Variants in NKAIN2 observed in about 807,000 individuals in gnomAD.
NKAIN2 encodes sodium/potassium transporting ATPase interacting 2, also known as sodium/potassium-transporting ATPase subunit beta-1-interacting protein 2.
A neutral mutation model predicts 32.6 loss-of-function variants in NKAIN2; 14 were observed. That is an observed-to-expected ratio of 0.43 (90% CI 0.28 to 0.67). NKAIN2 has a LOEUF of 0.67. Among genes scored for constraint, NKAIN2 ranks in the 30% least tolerant of loss-of-function variants. The pLI, the probability that NKAIN2 is intolerant of heterozygous loss-of-function variation, is 0.17. For synonymous variants in NKAIN2, 80 were observed against 87.2 expected (o/e 0.92, Z 0.46); for missense variants, 198 against 258.3 (o/e 0.77, Z 1.60).
intron 1 of NKAIN2, among the ~76,000 whole-genome samples, chr6:124,127,458 A>G (rs906793426): frequency 6.6e-6 from 1 of 152,210 alleles, no homozygotes; most frequent in African/African-American, 2.4e-5. Flanking sequence ...GGAAATATTT[A>G]CTAGTTAATT....
intron 3 of NKAIN2, among the ~76,000 whole-genome samples, chr6:124,578,674 G>A (rs777722241): frequency 6.6e-5 from 10 of 152,070 alleles, no homozygotes; most frequent in Non-Finnish European, 1.0e-4. Context: ...AAAACGGCAT[G>A]GCTAGTTTTG....
At chr6:123,838,613 T>C (rs1179273846) in intron 1 of NKAIN2, among the ~76,000 whole-genome samples, 1 of 152,164 alleles carries the variant, frequency 6.6e-6, no homozygotes, top group Non-Finnish European at 1.5e-5. Context: ...TTGTTTCACA[T>C]AAGGAATCAA....
At chr6:124,539,872 C>CG (rs1317134732) in intron 3 of NKAIN2, among the ~76,000 whole-genome samples, 2 of 152,068 alleles carry the variant, frequency 1.3e-5, no homozygotes, top group African/African-American at 4.8e-5. Flanking sequence ...AAGTGTATGC[C>CG]GCTATGCCCA....
At chr6:124,731,982 T>C (rs1395534650) in intron 4 of NKAIN2, among the ~76,000 whole-genome samples, 1 of 152,100 alleles carries the variant, frequency 6.6e-6, no homozygotes, top group East Asian at 1.9e-4. Context: ...ATGAATATAA[T>C]AAATGGATCT....
intron 1 of NKAIN2, among the ~76,000 whole-genome samples, chr6:123,897,441 T>C (rs1421543128): frequency 6.6e-6 from 1 of 152,154 alleles, no homozygotes; most frequent in Admixed American, 6.5e-5. Flanking sequence ...TTTTTGATTA[T>C]TAAGTCTTTC....
At chr6:124,683,409 A>G (rs370309223) in intron 4 of NKAIN2, among the ~76,000 whole-genome samples, 1 of 152,226 alleles carries the variant, frequency 6.6e-6, no homozygotes, top group Admixed American at 6.5e-5. Flanking sequence ...AAATTCCTAC[A>G]TTATTTCTCT....
At chr6:124,630,905 G>A (rs1380274025) in intron 3 of NKAIN2, among the ~76,000 whole-genome samples, 3 of 152,142 alleles carry the variant, frequency 2.0e-5, no homozygotes, top group Admixed American at 1.3e-4. Context: ...AGCCTTAGGA[G>A]CTACAACAAA....
chr6:124,779,314 GGGAGGGAAGGAAGGAAGGAAGGAA>G (rs1381586653), intron 4 of NKAIN2, among the ~76,000 whole-genome samples: 20 of 79,582 alleles, frequency 2.5e-4, no homozygotes, highest in African/African-American at 1.1e-3. Context: ...GAGGGAGGGA[GGGAGGGAAGGAAGGAAGGAAGGAA>G]GGAAGGAAGG....
chr6:124,407,245 G>A (rs1349287130), intron 3 of NKAIN2, among the ~76,000 whole-genome samples: 1 of 151,992 alleles, frequency 6.6e-6, no homozygotes, highest in East Asian at 1.9e-4. Context: ...TGCACAACAT[G>A]CAGGTTTGTT....
chr6:124,483,682 T>A (rs1777543813), intron 3 of NKAIN2, among the ~76,000 whole-genome samples: 1 of 152,068 alleles, frequency 6.6e-6, no homozygotes, highest in South Asian at 2.1e-4. Flanking sequence ...GTTAATAAAA[T>A]CATCTTTTAA....
At chr6:124,441,756 A>G (rs1775697619) in intron 3 of NKAIN2, among the ~76,000 whole-genome samples, 1 of 152,022 alleles carries the variant, frequency 6.6e-6, no homozygotes, top group Admixed American at 6.6e-5. Flanking sequence ...AAGCCACTAG[A>G]GATGGTTTTC....
At chr6:124,384,525 A>AT (rs1374292300) in intron 3 of NKAIN2, among the ~76,000 whole-genome samples, 1 of 152,192 alleles carries the variant, frequency 6.6e-6, no homozygotes, top group Non-Finnish European at 1.5e-5. Flanking sequence ...GATTGTCCCT[A>AT]TTAATCACAA....
At chr6:123,982,101 G>A (rs1029677458) in intron 1 of NKAIN2, among the ~76,000 whole-genome samples, 17 of 151,892 alleles carry the variant, frequency 1.1e-4, no homozygotes, top group Non-Finnish European at 1.5e-5. Flanking sequence ...AAAATGTCCA[G>A]ATTTCTTTCC....
chr6:124,360,346 C>G (rs1214166160), intron 3 of NKAIN2, among the ~76,000 whole-genome samples: 1 of 151,970 alleles, frequency 6.6e-6, no homozygotes, highest in Non-Finnish European at 1.5e-5. Flanking sequence ...TTCTGCTTTT[C>G]CTAATGAACT....
intron 3 of NKAIN2, among the ~76,000 whole-genome samples, chr6:124,657,603 C>T (rs1316294221): frequency 6.6e-6 from 1 of 151,956 alleles, no homozygotes; most frequent in Admixed American, 6.6e-5. Flanking sequence ...ACCAATTTCA[C>T]AAAAAGTGAT....
intron 2 of NKAIN2, among the ~76,000 whole-genome samples, chr6:124,351,508 C>CAAAAAAAA (rs397956239): frequency 9.2e-5 from 10 of 108,996 alleles, no homozygotes; most frequent in Non-Finnish European, 1.2e-4. Flanking sequence ...TCAAAAAAAC[C>CAAAAAAAA]AAAAAAAAAA....
At chr6:123,886,773 T>G (rs775671032) in intron 1 of NKAIN2, among the ~76,000 whole-genome samples, 1 of 152,128 alleles carries the variant, frequency 6.6e-6, no homozygotes, top group African/African-American at 2.4e-5. Context: ...GTAAAACATT[T>G]TGTCAGTTGC....
At chr6:123,811,326 G>A (rs2114862880) in intron 1 of NKAIN2, among the ~76,000 whole-genome samples, 1 of 147,198 alleles carries the variant, frequency 6.8e-6, no homozygotes, top group Non-Finnish European at 1.5e-5. Context: ...GCACCCTCAT[G>A]TCTGGTAATG....
intron 1 of NKAIN2, among the ~76,000 whole-genome samples, chr6:124,037,962 G>C (rs749027031): frequency 4.6e-5 from 7 of 152,126 alleles, no homozygotes; most frequent in Admixed American, 1.3e-4. Flanking sequence ...AGAAGTTAGC[G>C]ACAGCAAGAT....
Sources: gnomAD v4.1 joint callset for allele counts (sites outside exome capture counted in the v4.1 genomes callset) on GRCh38, gnomAD v4.1.1 for gene constraint, MANE v1.5 for transcripts, NCBI Gene and HGNC (gene_info 2026-07-23, HGNC 2026-07-21) for gene names.